The following CLTRN variants were observed in gnomAD, a reference collection of about 807,000 sequenced individuals.
CLTRN encodes collectrin, amino acid transport regulator.
Under a neutral mutation model 14.5 loss-of-function variants are expected in CLTRN, and 12 were observed. The ratio of observed to expected loss-of-function variants is 0.83; its 90% CI spans 0.53 to 1.34. The LOEUF (loss-of-function observed/expected upper bound fraction) is 1.34, where lower values mean the gene tolerates loss of function less well. Among genes scored for constraint, CLTRN ranks in the 40% most tolerant of loss-of-function variants. The pLI, the probability that CLTRN is intolerant of heterozygous loss-of-function variation, is 0.00. For missense variants in CLTRN, 154 were observed against 165.1 expected (o/e 0.93, Z 0.37); for synonymous variants, 58 against 56.5 (o/e 1.03, Z -0.12).
intron 3 of CLTRN, among the ~76,000 whole-genome samples, chrX:15,655,233 T>TG (rs769437762): frequency 8.9e-6 from 1 of 111,984 alleles, no homozygotes; most frequent in South Asian, 3.7e-4. Flanking sequence ...AGCAAGATGA[T>TG]GGGGGCGTGA....
intron 5 of CLTRN, among the ~76,000 whole-genome samples, chrX:15,631,957 T>C (rs1928704505): frequency 8.9e-6 from 1 of 112,553 alleles, no homozygotes; most frequent in Non-Finnish European, 1.9e-5. Flanking sequence ...CATTCTGATT[T>C]GATGTTCTGC....
At chrX:15,640,630 A>G (rs1257835075) in intron 4 of CLTRN, among the ~76,000 whole-genome samples, 1 of 112,866 alleles carries the variant, frequency 8.9e-6, no homozygotes, top group Admixed American at 9.3e-5. Flanking sequence ...GTAAAATTAC[A>G]TGTAAAATAT....
In CLTRN at chrX:15,659,028, C is replaced by T; in HGVS notation, c.191G>A (p.Arg64Lys). The T allele has an allele frequency of 8.6e-7, 1 of 1,159,277 alleles. No homozygotes were observed. The highest frequency in any genetic ancestry group is 1.8e-5 in the South Asian group (1 of 55,275). Residue 64 changes from arginine to lysine, a missense_variant, in exon 3 of 6, where the codon AGA becomes AAA. By Grantham distance (26) the Arg-to-Lys change is conservative. Transcript: ENST00000380342. ...VAFSMRKVPN[R>K]EATEISHVLL... ...ATTATTTGCTTACTCTGTTGCTTCTCTGTTGGGAACTTTTCTCATGGAGAA... is the reference window on the plus strand; with the variant it reads ...ATTATTTGCTTACTCTGTTGCTTCTTTGTTGGGAACTTTTCTCATGGAGAA...
chrX:15,639,835 C>G, intron 4 of CLTRN, 79 bp from the exon 5 acceptor site: 1 of 931,526 alleles, frequency 1.1e-6, no homozygotes, highest in South Asian at 2.6e-5. Flanking sequence ...ACCTGTTTCT[C>G]CATGATTATA....
At position 15,658,731 on chromosome X, in the gene CLTRN, T is replaced by C. The variant is rs200410088; in HGVS notation, c.203+285A>G. On this transcript the variant is annotated intron_variant, in intron 3 of 5. Transcript: ENST00000380342. ...AAAATTATATATATATATATATATA[T>C]ATACACACACACACACAATAGAAAT... Among the ~76,000 whole-genome samples, 7 of 80,618 alleles carry C rather than the reference T, an allele frequency of 8.7e-5. No homozygotes were observed. The South Asian group carries it at 3.7e-3, about 43-fold the overall frequency. The allele number at this position is 80,618 out of a possible 115,157, so 70.0% of individuals were successfully genotyped here. A position where few individuals can be genotyped will look rare whatever the true frequency, so the allele number is the denominator to read the frequency against.
At chrX:15,656,985 A>AG (rs2147211068) in intron 3 of CLTRN, among the ~76,000 whole-genome samples, 1 of 109,349 alleles carries the variant, frequency 9.1e-6, no homozygotes, top group East Asian at 2.9e-4. Context: ...AACCCGACAT[A>AG]TATCCTGTGT....
intron 3 of CLTRN, among the ~76,000 whole-genome samples, chrX:15,654,823 C>T (rs889835055): frequency 1.6e-4 from 18 of 112,285 alleles, no homozygotes; most frequent in African/African-American, 4.2e-4. Context: ...GTGCTCAGCA[C>T]GTAGCAGGCT....
intron 4 of CLTRN, 80 bp downstream of exon 4, chrX:15,644,836 C>T: frequency 1.7e-6 from 1 of 601,452 alleles, no homozygotes. Flanking sequence ...AGATAAAACT[C>T]TTCAATATCT....
chrX:15,642,866 G>T, intron 4 of CLTRN, among the ~76,000 whole-genome samples: 2 of 110,278 alleles, frequency 1.8e-5, no homozygotes, highest in Middle Eastern at 9.3e-3. Flanking sequence ...TCTGAGGCAG[G>T]AGGATCGCCT....
intron 3 of CLTRN, among the ~76,000 whole-genome samples, chrX:15,650,676 G>T (rs1929192832): frequency 8.9e-6 from 1 of 111,945 alleles, no homozygotes; most frequent in Non-Finnish European, 1.9e-5. Flanking sequence ...TGATGTTTCT[G>T]CCCAAATATG....
At chrX:15,657,952 T>C (rs750711751) in intron 3 of CLTRN, among the ~76,000 whole-genome samples, 1 of 112,125 alleles carries the variant, frequency 8.9e-6, no homozygotes, top group East Asian at 2.8e-4. Flanking sequence ...TATATTCATA[T>C]CCCATGCATC....
In CLTRN at chrX:15,639,549, T is replaced by C. The variant is rs1334974554; in HGVS notation, c.512+13A>G. On this transcript the variant is annotated intron_variant, in intron 5 of 5. Transcript: ENST00000380342. ...GAAAATGCTCTTTCAATCACTCCTT[T>C]TAAATATCTTACCTTCTACGTTGCC... is the stretch of plus-strand genomic sequence containing the variant. 8.4e-7 allele frequency: 1 copy of C among 1,190,458 alleles called. No individual in the cohort carries two copies. The highest frequency in any genetic ancestry group is 3.0e-5 in the East Asian group (1 of 33,654).
At chrX:15,640,034 T>G (rs747488434) in intron 4 of CLTRN, among the ~76,000 whole-genome samples, 1 of 112,078 alleles carries the variant, frequency 8.9e-6, no homozygotes, top group Non-Finnish European at 1.9e-5. Flanking sequence ...CTGTCCACCA[T>G]GTTTTATTTC....
intron 3 of CLTRN, among the ~76,000 whole-genome samples, chrX:15,652,029 G>A (rs893588772): frequency 4.4e-5 from 5 of 112,425 alleles, no homozygotes; most frequent in African/African-American, 1.6e-4. Context: ...AAGGCAGAAA[G>A]TTGGTGCTAA....
rs190512011 is a variant in CLTRN at position 15,649,284 on chromosome X, T to C, written c.204-4255A>G. Among the ~76,000 whole-genome samples, 11 of 112,455 alleles carry C rather than the reference T, an allele frequency of 9.8e-5. No individual in the cohort carries two copies. In the East Asian group the frequency reaches 3.0e-3, roughly 31 times the overall value. ...AACTATACCATGAATTCAAGTTCTT[T>C]AAATTTATTCAAGTTTCCAATGGGT... On this transcript the variant is annotated intron_variant, in intron 3 of 5. Coordinates refer to ENST00000380342, the MANE Select transcript of CLTRN (RefSeq NM_020665.6).
intron 5 of CLTRN, among the ~76,000 whole-genome samples, chrX:15,632,656 C>G (rs1288976468): frequency 9.1e-6 from 1 of 109,672 alleles, no homozygotes; most frequent in Non-Finnish European, 1.9e-5. Context: ...CTTTGGGAGG[C>G]TGAGGTGGGC....
chrX:15,636,155 TA>T (rs1187578360), intron 5 of CLTRN, among the ~76,000 whole-genome samples: 1 of 111,822 alleles, frequency 8.9e-6, no homozygotes, highest in African/African-American at 3.2e-5. Flanking sequence ...CCTCAAAAAA[TA>T]AAAAATAAAC....
chrX:15,652,681 C>T (rs773952866), intron 3 of CLTRN, among the ~76,000 whole-genome samples: 2 of 111,951 alleles, frequency 1.8e-5, no homozygotes, highest in South Asian at 3.7e-4. Context: ...GGTCACACCA[C>T]AAGTAAAGTC....
rs768129817 is a variant in CLTRN at position 15,646,562 on chromosome X, C to T, written c.204-1533G>A. 20 of 336,780 alleles carry T rather than the reference C, an allele frequency of 5.9e-5. No homozygotes were observed. In the East Asian group the frequency reaches 1.8e-3, roughly 30 times the overall value. 27.8% of individuals were successfully genotyped at this position (336,780 alleles called of 1,213,427 possible). ...AGAACTGCAAGGTCACCTACTTCCA[C>T]GGGAAGCGCTGGGTCTGCATCCAGC... On this transcript the variant is annotated intron_variant, in intron 3 of 5. Transcript: ENST00000380342.
Sources: gnomAD v4.1 joint callset for allele counts (sites outside exome capture counted in the v4.1 genomes callset) on GRCh38, gnomAD v4.1.1 for gene constraint, MANE v1.5 for transcripts, NCBI Gene and HGNC (gene_info 2026-07-23, HGNC 2026-07-21) for gene names.